The following TENM2 variants were observed in gnomAD, a reference collection of about 807,000 sequenced individuals.
TENM2 encodes teneurin-2.
Under a neutral mutation model 245.2 loss-of-function variants are expected in TENM2, and 52 were observed. The observed-to-expected ratio is 0.21, with a 90% confidence interval of 0.17 to 0.27. The LOEUF (loss-of-function observed/expected upper bound fraction) is 0.27. Ranked by LOEUF, TENM2 falls within the 10% of genes least tolerant of loss-of-function variation. The pLI, the probability that TENM2 is intolerant of heterozygous loss-of-function variation, is 1.00. For synonymous variants in TENM2, 1,363 were observed against 1,438.9 expected (o/e 0.95, Z 1.19); for missense variants, 3,046 against 3,666.8 (o/e 0.83, Z 4.37).
the TENM2 span, among the ~76,000 whole-genome samples, chr5:167,125,081 G>C: frequency 2.0e-5 from 3 of 152,128 alleles, no homozygotes; most frequent in Admixed American, 2.0e-4. Flanking sequence ...AGTTCTTTTG[G>C]GTCATATCAG....
chr5:167,992,872 T>A, intron 4 of TENM2, 72 bp from the exon 7 acceptor site: 1 of 1,206,786 alleles, frequency 8.3e-7, no homozygotes, highest in Non-Finnish European at 1.2e-6. Context: ...TAGAGCAGAG[T>A]GGAAGAAAAA....
chr5:167,153,281 C>T, the TENM2 span, among the ~76,000 whole-genome samples: 4 of 151,472 alleles, frequency 2.6e-5, no homozygotes, highest in Admixed American at 2.6e-4. Flanking sequence ...TTGATTAACA[C>T]GTATTTCATG....
chr5:168,008,553 G>T (rs905422560), intron 5 of TENM2, among the ~76,000 whole-genome samples: 1 of 152,126 alleles, frequency 6.6e-6, no homozygotes, highest in African/African-American at 2.4e-5. Flanking sequence ...TCCTCTGAAG[G>T]CCCCGTCAAT....
chr5:167,486,734 G>A (rs926834861), intron 2 of TENM2, among the ~76,000 whole-genome samples: 1 of 151,490 alleles, frequency 6.6e-6, no homozygotes, highest in African/African-American at 2.4e-5. Context: ...TTTTTTCTCT[G>A]TTACTCAACT....
At chr5:167,900,324 C>A (rs186943300) in intron 3 of TENM2, among the ~76,000 whole-genome samples, 1 of 151,834 alleles carries the variant, frequency 6.6e-6, no homozygotes, top group Non-Finnish European at 1.5e-5. Context: ...ATGAAACCAC[C>A]GTCAGTTATG....
At chr5:167,117,292 A>C in the TENM2 span, among the ~76,000 whole-genome samples, 1 of 152,192 alleles carries the variant, frequency 6.6e-6, no homozygotes, top group Non-Finnish European at 1.5e-5. Context: ...TCATGACGTC[A>C]GGAGATCGAG....
chr5:167,318,795 C>A (rs977845091), intron 1 of TENM2, among the ~76,000 whole-genome samples: 1 of 152,154 alleles, frequency 6.6e-6, no homozygotes, highest in African/African-American at 2.4e-5. Context: ...GTGTTCCCAA[C>A]AGCTTTGAGA....
At chr5:167,575,326 G>T (rs1029234764) in intron 2 of TENM2, among the ~76,000 whole-genome samples, 7 of 151,958 alleles carry the variant, frequency 4.6e-5, no homozygotes, top group African/African-American at 1.7e-4. Flanking sequence ...TATATACAAG[G>T]GTGACTTCAG....
At chr5:167,021,708 A>G in the TENM2 span, among the ~76,000 whole-genome samples, 7 of 152,334 alleles carry the variant, frequency 4.6e-5, no homozygotes, top group African/African-American at 1.7e-4. Flanking sequence ...AGAGCTGCTT[A>G]TCTTTCAGTC....
intron 2 of TENM2, among the ~76,000 whole-genome samples, chr5:167,600,276 T>A (rs1776550553): frequency 2.6e-5 from 4 of 151,930 alleles, no homozygotes; most frequent in African/African-American, 9.7e-5. Flanking sequence ...ATTAAAAAAA[T>A]ATGTTTATGA....
the TENM2 span, among the ~76,000 whole-genome samples, chr5:167,084,870 G>GA: frequency 8.6e-5 from 13 of 151,898 alleles, no homozygotes; most frequent in Non-Finnish European, 1.9e-4. Context: ...ATACTCCAGG[G>GA]AAAAAAATAC....
At chr5:168,215,798 A>G (rs1218274278) in intron 21 of TENM2, among the ~76,000 whole-genome samples, 1 of 152,234 alleles carries the variant, frequency 6.6e-6, no homozygotes, top group African/African-American at 2.4e-5. Flanking sequence ...AATCAGAGGA[A>G]ATCCTGGCTC....
chr5:168,227,917 G>A (rs1764378331), exon 25 of TENM2: 1 of 1,607,814 alleles, frequency 6.2e-7, no homozygotes. Flanking sequence ...ACAGCTACCA[G>A]CTCTGTAATA....
chr5:167,594,150 G>A (rs1338372969), intron 2 of TENM2, among the ~76,000 whole-genome samples: 1 of 152,144 alleles, frequency 6.6e-6, no homozygotes. Flanking sequence ...AAATATGTCA[G>A]TGGATTGGAA....
Position 168,249,929 on chromosome 5 carries a change from T to C in TENM2, c.7432+1558T>C, listed in dbSNP as rs1766946787. ...TAAGAGTCTCTCTCCATCCATCCAT[T>C]CACCCATTCAACAAATATTTGTATA... is the stretch of plus-strand genomic sequence containing the variant. On this transcript the variant is annotated intron_variant, in intron 27 of 28. Transcript: ENST00000518659. 1.3e-5 allele frequency among the ~76,000 whole-genome samples: 2 copies of C among 152,122 alleles called. 1 individual carries two copies. The highest frequency in any genetic ancestry group is 4.1e-4 in the South Asian group (2 of 4,822).
chr5:168,262,367 G>A (rs371080627), exon 29 of TENM2: 4 of 1,603,426 alleles, frequency 2.5e-6, no homozygotes, highest in Admixed American at 1.7e-5. Context: ...TGGCTCAGCC[G>A]ATGGCGACCT....
the TENM2 span, among the ~76,000 whole-genome samples, chr5:167,261,853 C>A: frequency 6.6e-6 from 1 of 152,030 alleles, no homozygotes; most frequent in Non-Finnish European, 1.5e-5. Context: ...TCATTTCTTC[C>A]TTGAGCAGAA....
intron 2 of TENM2, among the ~76,000 whole-genome samples, chr5:167,839,269 A>C (rs551912856): frequency 6.6e-6 from 1 of 152,352 alleles, no homozygotes; most frequent in South Asian, 2.1e-4. Context: ...AAGAGATGCC[A>C]GATGAATCTT....
At chr5:168,009,240 T>C (rs1365690554) in intron 5 of TENM2, among the ~76,000 whole-genome samples, 1 of 152,200 alleles carries the variant, frequency 6.6e-6, no homozygotes, top group Non-Finnish European at 1.5e-5. Flanking sequence ...CCTTTTTGAT[T>C]TGGGGCAGTG....
Sources: allele counts gnomAD v4.1 joint callset (sites outside exome capture counted in the v4.1 genomes callset), GRCh38; gene constraint gnomAD v4.1.1; transcripts MANE v1.5; gene names NCBI Gene and HGNC (gene_info 2026-07-23, HGNC 2026-07-21).